MIGA2: variants seen among roughly 807,000 people sequenced by gnomAD.
MIGA2 encodes the protein mitoguardin 2, also known as family with sequence similarity 73, member B.
Under a neutral mutation model 69.9 loss-of-function variants are expected in MIGA2, and 36 were observed. That is an observed-to-expected ratio of 0.52 (90% CI 0.39 to 0.68). The LOEUF (loss-of-function observed/expected upper bound fraction) is 0.68, where lower values mean the gene tolerates loss of function less well. MIGA2 is among the 30% of genes least tolerant of loss of function. The pLI is 0.00. For synonymous variants in MIGA2, 333 were observed against 349.2 expected, an observed-to-expected ratio of 0.95 and a Z score of 0.52; for missense variants, 660 against 787.7, an observed-to-expected ratio of 0.84 and a Z score of 1.94.
intron 15 of MIGA2, 34 bp from the exon 16 acceptor site, chr9:129,070,213 T>C: frequency 1.3e-6 from 2 of 1,597,372 alleles, no homozygotes; most frequent in South Asian, 1.1e-5. Flanking sequence ...GGGCAGTGGC[T>C]GGGCCAGGCC....
chr9:129,040,152 A>G (rs1350128517), intron 1 of MIGA2, among the ~76,000 whole-genome samples: 1 of 151,964 alleles, frequency 6.6e-6, no homozygotes, highest in Non-Finnish European at 1.5e-5. Flanking sequence ...AGGTAGAGAA[A>G]ATGTGGCTTA....
Position 129,067,845 on chromosome 9 carries a change from A to G in MIGA2, c.1243A>G (p.Thr415Ala). The G allele has an allele frequency of 6.2e-7, 1 of 1,612,898 alleles. No individual in the cohort carries two copies. The highest frequency in any genetic ancestry group is 1.3e-5 in the African/African-American group (1 of 75,056). The part of the protein sequence containing the change: ...YALRPETWAT[T>A]RLELEGRGVV... ...CCTGCGGCCCGAGACCTGGGCCACAACACGGCTGGAGCTGGAGGGCCGAGG... is the reference window on the plus strand; with the variant it reads ...CCTGCGGCCCGAGACCTGGGCCACAGCACGGCTGGAGCTGGAGGGCCGAGG... Residue 415 changes from threonine (T) to alanine (A), a missense_variant, in exon 12 of 16, where the codon ACA (threonine) becomes GCA (alanine). This residue lies in a region of MIGA2 where 220 missense variants were observed against 301.7 expected (regional missense o/e 0.73). Transcript: ENST00000684074.
intron 6 of MIGA2, among the ~76,000 whole-genome samples, chr9:129,058,606 T>C (rs1349494376): frequency 6.6e-6 from 1 of 150,626 alleles, no homozygotes; most frequent in East Asian, 2.0e-4. Flanking sequence ...TTCAAGCAAT[T>C]CTCCTGCCTC....
chr9:129,055,548 A>C (rs1342055396), intron 6 of MIGA2, among the ~76,000 whole-genome samples: 1 of 152,038 alleles, frequency 6.6e-6, no homozygotes, highest in African/African-American at 2.4e-5. Context: ...CTATATACTT[A>C]TTGAAAAATA....
intron 11 of MIGA2, 54 bp downstream of exon 11, chr9:129,063,685 C>A: frequency 1.9e-6 from 3 of 1,573,914 alleles, no homozygotes; most frequent in South Asian, 2.2e-5. Context: ...CACAGAGGGT[C>A]CCCCTGAACC....
Position 129,069,617 on chromosome 9 carries a change from C to T in MIGA2, c.1459-232C>T, listed in dbSNP as rs898178659. ...GTGGCCACGTGCTCCAGGCACTTCC[C>T]GCGGAGCCACTATGGCCCCACCTCT... On this transcript the variant is annotated intron_variant, in intron 14 of 15. Coordinates refer to ENST00000684074, the MANE Select transcript of MIGA2 (RefSeq NM_001329990.2). The surrounding 1 kb of genome is among the most constrained non-coding windows in gnomAD (Gnocchi z 4.9). 8.7e-6 allele frequency: 5 copies of T among 575,000 alleles called. No homozygotes were observed. Among genetic ancestry groups the T allele is most frequent in the Admixed American group, 3.0e-5 (1 of 33,512 alleles). 35.6% of individuals were successfully genotyped at this position (575,000 alleles called of 1,614,324 possible). A position where few individuals can be genotyped will look rare whatever the true frequency, so the allele number is the denominator to read the frequency against.
At position 129,063,271 on chromosome 9, in the gene MIGA2, C is replaced by G; in HGVS notation, c.1038C>G (p.Asp346Glu). Reference protein sequence around the residue: ...LRTELLGCYSDQDFLAKLHCV... With the variant: ...LRTELLGCYSEQDFLAKLHCV... ...CGGAGCTGCTGGGCTGCTACAGTGA[C>G]CAGGACTTTCTGGCCAAGCTGCACT... The change falls in exon 10 of 16, where the codon GAC becomes GAG. Residue 346 changes from aspartate (D) to glutamate (E), a missense_variant. Around this residue, in one of 3 missense-constraint regions of MIGA2, gnomAD observed 386 missense variants for 402.0 expected, o/e 0.96. Transcript: ENST00000684074. The G allele has an allele frequency of 6.2e-7, 1 of 1,614,116 alleles. No individual in the cohort carries two copies. The highest frequency in any genetic ancestry group is 8.5e-7 in the Non-Finnish European group (1 of 1,180,016).
chr9:129,063,783 T>A, intron 11 of MIGA2, 152 bp downstream of exon 11: 1 of 752,168 alleles, frequency 1.3e-6, no homozygotes, highest in East Asian at 2.7e-5. Flanking sequence ...GATCTTGTTA[T>A]TCCATTTCTA....
intron 11 of MIGA2, among the ~76,000 whole-genome samples, chr9:129,066,631 G>A (rs1341913478): frequency 3.2e-5 from 4 of 124,606 alleles, no homozygotes; most frequent in African/African-American, 6.4e-5. Context: ...CCAAGATCAC[G>A]CCACTGCACT....
At chr9:129,039,174 T>TG (rs1491382317) in intron 1 of MIGA2, among the ~76,000 whole-genome samples, 164 of 132,060 alleles carry the variant, frequency 1.2e-3, no homozygotes, top group Middle Eastern at 7.2e-3. Context: ...TAGCTCTTTG[T>TG]TTGTGTGTGT....
intron 3 of MIGA2, among the ~76,000 whole-genome samples, chr9:129,044,314 C>G (rs760942991): frequency 4.6e-5 from 7 of 151,636 alleles, no homozygotes; most frequent in Non-Finnish European, 7.4e-5. Flanking sequence ...TTTTTCCCAG[C>G]TTCTCACTAC....
At chr9:129,040,412 G>A in intron 1 of MIGA2, 40 bp from the exon 2 acceptor site, 1 of 1,338,216 alleles carries the variant, frequency 7.5e-7, no homozygotes. Context: ...ATGTTCCCGT[G>A]TGCACGTTCT....
chr9:129,063,655 G>GGGGGGGGGGGGGGGGGCCC, intron 11 of MIGA2, 24 bp downstream of exon 11: 1 of 645,734 alleles, frequency 1.5e-6, no homozygotes, highest in Non-Finnish European at 2.9e-6. Context: ...GGGTGGGGGG[G>GGGGGGGGGGGGGGGGGCCC]CAAATTATAA....
In MIGA2 at chr9:129,069,885, T is replaced by C; in HGVS notation, c.1495T>C (p.Ser499Pro). Reference protein sequence around the residue: ...DGFISHFYSVSEHVSPVLAFG... With the variant: ...DGFISHFYSVPEHVSPVLAFG... ...CTTCATCTCCCATTTCTACTCCGTA[T>C]CGGAGCATGTGAGCCCTGTCCTAGC... Residue 499 changes from serine to proline, a missense_variant, in exon 15 of 16, where the codon TCG (serine) becomes CCG (proline). Around this residue, in one of 3 missense-constraint regions of MIGA2, gnomAD observed 220 missense variants for 301.7 expected, o/e 0.73. Transcript: ENST00000684074. The surrounding 1 kb of genome is among the most constrained non-coding windows in gnomAD (Gnocchi z 4.9). 1 of 1,613,934 alleles carries C rather than the reference T, an allele frequency of 6.2e-7. No individual in the cohort carries two copies. Among genetic ancestry groups the C allele is most frequent in the Non-Finnish European group, 8.5e-7 (1 of 1,180,012 alleles).
At chr9:129,066,117 G>A (rs750662349) in intron 11 of MIGA2, among the ~76,000 whole-genome samples, 4 of 152,200 alleles carry the variant, frequency 2.6e-5, no homozygotes, top group Non-Finnish European at 5.9e-5. Context: ...GTTCATTCGA[G>A]CCTCACTGCA....
chr9:129,047,222 C>G (rs1471030415), intron 3 of MIGA2: 1 of 151,846 alleles, frequency 6.6e-6, no homozygotes, highest in African/African-American at 2.4e-5. Context: ...GGATTACAAA[C>G]AGGTGCCACC....
chr9:129,059,407 G>A lies in MIGA2; in HGVS notation c.793+136G>A, dbSNP rs1845953332. 1.1e-5 allele frequency: 7 copies of A among 664,304 alleles called. No homozygotes were observed. The highest frequency in any genetic ancestry group is 1.9e-5 in the Non-Finnish European group (7 of 377,562). The allele number at this position is 664,304 out of a possible 1,614,324, so 41.2% of individuals were successfully genotyped here. ...AATCCCCAGGGCTCTCCGACCTCGC[G>A]TGATCCAGCACCTTATGGCACAGAT... On this transcript the variant is annotated intron_variant, in intron 7 of 15. Transcript: ENST00000684074. This position sits in a 1 kb window ranked among gnomAD's most constrained non-coding sequence, Gnocchi z 5.6.
intron 11 of MIGA2, among the ~76,000 whole-genome samples, chr9:129,064,391 T>C (rs1197539273): frequency 1.3e-5 from 2 of 151,856 alleles, no homozygotes; most frequent in Admixed American, 1.3e-4. Context: ...GTATTTTTAG[T>C]AGAGACAGGG....
At position 129,061,073 on chromosome 9, in the gene MIGA2, C is replaced by T. The variant is rs1846042574; in HGVS notation, c.895-158C>T. Among the ~76,000 whole-genome samples the T allele has an allele frequency of 6.6e-6, 1 of 152,198 alleles. No individual in the cohort carries two copies. The highest frequency in any genetic ancestry group is 1.5e-5 in the Non-Finnish European group (1 of 68,024). ...GCCAGAACTGGGCTCGAACTGGAGC[C>T]TCCTGGCCAGTGTTCCCTCTGACAT... On this transcript the variant is annotated intron_variant, in intron 8 of 15. Coordinates refer to ENST00000684074, the MANE Select transcript of MIGA2 (RefSeq NM_001329990.2). This position sits in a 1 kb window ranked among gnomAD's most constrained non-coding sequence, Gnocchi z 5.0.
Sources: allele counts gnomAD v4.1 joint callset (sites outside exome capture counted in the v4.1 genomes callset), GRCh38; gene constraint gnomAD v4.1.1; regional missense constraint gnomAD v4.1.1; non-coding constraint Gnocchi (gnomAD v3.1); transcripts MANE v1.5; gene names NCBI Gene and HGNC (gene_info 2026-07-23, HGNC 2026-07-21).